The following PLCL1 variants were observed in gnomAD, a reference collection of about 807,000 sequenced individuals.
PLCL1 encodes the protein phospholipase C like 1 (inactive).
In PLCL1, 41 loss-of-function variants were observed where a neutral mutation model predicts 84.4. The observed-to-expected ratio is 0.49, with a 90% CI of 0.38 to 0.63. The LOEUF is 0.63. Among genes scored for constraint, PLCL1 ranks in the 30% least tolerant of loss-of-function variants. The pLI is 0.00. For missense variants in PLCL1, 1,206 were observed against 1,367.8 expected, an observed-to-expected ratio of 0.88 and a Z score of 1.87; for synonymous variants, 490 against 488.3, an observed-to-expected ratio of 1.00 and a Z score of -0.05.
intron 1 of PLCL1, among the ~76,000 whole-genome samples, chr2:197,973,230 T>C (rs1689905347): frequency 6.6e-6 from 1 of 152,174 alleles, no homozygotes; most frequent in Non-Finnish European, 1.5e-5. Flanking sequence ...AGGATACAAG[T>C]GCACTTTGCT....
Position 198,146,993 on chromosome 2 carries a change from T to G in PLCL1, c.*31T>G. On this transcript the variant is annotated 3_prime_UTR_variant, in exon 6 of 6. Coordinates refer to ENST00000428675, the MANE Select transcript of PLCL1 (RefSeq NM_006226.4). ...GGCATTATCGACACGTTCACCCATCTTATCAAGGACTCTGGTTTCTCATTC... is the reference window on the plus strand; with the variant it reads ...GGCATTATCGACACGTTCACCCATCGTATCAAGGACTCTGGTTTCTCATTC... The G allele has an allele frequency of 6.5e-7, 1 of 1,532,566 alleles. No homozygotes were observed. Among genetic ancestry groups the G allele is most frequent in the Non-Finnish European group, 8.8e-7 (1 of 1,133,172 alleles). The allele number at this position is 1,532,566 out of a possible 1,614,324, so 94.9% of individuals were successfully genotyped here.
chr2:197,826,185 A>G (rs1690924194), intron 1 of PLCL1, among the ~76,000 whole-genome samples: 1 of 152,202 alleles, frequency 6.6e-6, no homozygotes, highest in Non-Finnish European at 1.5e-5. Flanking sequence ...ATTTAGTCAG[A>G]CTACCCATCT....
At chr2:198,136,799 G>A (rs191535725) in intron 5 of PLCL1, among the ~76,000 whole-genome samples, 1 of 152,154 alleles carries the variant, frequency 6.6e-6, no homozygotes, top group East Asian at 1.9e-4. Flanking sequence ...GAGCCATCAG[G>A]GCTTATGACG....
At chr2:198,143,201 G>T (rs1219866271) in intron 5 of PLCL1, among the ~76,000 whole-genome samples, 1 of 152,056 alleles carries the variant, frequency 6.6e-6, no homozygotes, top group African/African-American at 2.4e-5. Flanking sequence ...GGATGAAACT[G>T]GATCAACCTC....
At chr2:197,925,897 T>C (rs1202598662) in intron 1 of PLCL1, among the ~76,000 whole-genome samples, 2 of 152,188 alleles carry the variant, frequency 1.3e-5, no homozygotes, top group African/African-American at 4.8e-5. Context: ...ATTTTGTCAC[T>C]CTATTTGTAG....
intron 1 of PLCL1, among the ~76,000 whole-genome samples, chr2:197,828,382 C>A (rs1383819596): frequency 3.9e-5 from 6 of 152,026 alleles, no homozygotes; most frequent in Non-Finnish European, 7.4e-5. Flanking sequence ...AAGCACAAAA[C>A]ATTTTATTTA....
intron 1 of PLCL1, among the ~76,000 whole-genome samples, chr2:198,061,669 G>A (rs754737715): frequency 1.3e-4 from 20 of 152,050 alleles, no homozygotes; most frequent in Non-Finnish European, 2.4e-4. Flanking sequence ...GCACCATCTC[G>A]GTTTACTGCA....
chr2:197,969,347 T>C (rs1484739344), intron 1 of PLCL1, among the ~76,000 whole-genome samples: 1 of 152,188 alleles, frequency 6.6e-6, no homozygotes, highest in Non-Finnish European at 1.5e-5. Flanking sequence ...TCCTCTATAA[T>C]AGAGTTGAGA....
chr2:198,094,187 C>T (rs1316624764), intron 3 of PLCL1, among the ~76,000 whole-genome samples: 1 of 151,978 alleles, frequency 6.6e-6, no homozygotes, highest in Non-Finnish European at 1.5e-5. Flanking sequence ...TCCGCCTCCC[C>T]AGTAGCTGGG....
chr2:197,851,540 T>C (rs141233569), intron 1 of PLCL1, among the ~76,000 whole-genome samples: 1 of 152,358 alleles, frequency 6.6e-6, no homozygotes, highest in East Asian at 1.9e-4. Flanking sequence ...GCATGCTGCC[T>C]GAGCCGCTAT....
chr2:198,079,799 G>T (rs1692664759), intron 1 of PLCL1, among the ~76,000 whole-genome samples: 1 of 152,132 alleles, frequency 6.6e-6, no homozygotes, highest in Non-Finnish European at 1.5e-5. Context: ...GGAGACTTAT[G>T]CATAGAATAT....
intron 3 of PLCL1, among the ~76,000 whole-genome samples, chr2:198,096,180 GGGAA>G (rs1460423042): frequency 3.3e-5 from 5 of 152,126 alleles, no homozygotes; most frequent in Non-Finnish European, 7.3e-5. Context: ...CACCTAAAAA[GGGAA>G]GTAGTCACAC....
chr2:197,812,297 C>T (rs1443600092), intron 1 of PLCL1, among the ~76,000 whole-genome samples: 2 of 152,124 alleles, frequency 1.3e-5, no homozygotes, highest in Non-Finnish European at 2.9e-5. Flanking sequence ...TGGTAGAGCG[C>T]TGTTGGATAT....
chr2:198,035,474 T>C (rs537550055), intron 1 of PLCL1, among the ~76,000 whole-genome samples: 2 of 152,324 alleles, frequency 1.3e-5, no homozygotes, highest in Admixed American at 1.3e-4. Flanking sequence ...TGTTGTTTTT[T>C]GTTTTTGTTT....
At chr2:197,901,053 T>C (rs550453841) in intron 1 of PLCL1, among the ~76,000 whole-genome samples, 1 of 152,330 alleles carries the variant, frequency 6.6e-6, no homozygotes, top group Non-Finnish European at 1.5e-5. Context: ...TGAGAAGTGA[T>C]GTCTTTTGGG....
At chr2:198,101,427 G>A in intron 4 of PLCL1, 67 bp downstream of exon 4, 1 of 865,558 alleles carries the variant, frequency 1.2e-6, no homozygotes, top group South Asian at 1.6e-5. Context: ...AATAATTCTT[G>A]GTAGATTTTT....
Position 197,830,818 on chromosome 2 carries a change from G to A in PLCL1, c.240+25479G>A, listed in dbSNP as rs542993263. 2.2e-3 allele frequency among the ~76,000 whole-genome samples: 338 copies of A among 152,288 alleles called. 1 individual carries two copies. The highest frequency in any genetic ancestry group is 3.6e-3 in the Non-Finnish European group (244 of 68,024). The stretch of plus-strand genomic sequence containing the variant: ...AGGGAAGCCCATCAGACTAACAGAG[G>A]ATCTCTCTGCAGAAACCATGCAAGC... On this transcript the variant is annotated intron_variant, in intron 1 of 5. Coordinates refer to ENST00000428675, the MANE Select transcript of PLCL1 (RefSeq NM_006226.4).
intron 1 of PLCL1, among the ~76,000 whole-genome samples, chr2:197,970,577 A>G (rs541247993): frequency 6.6e-6 from 1 of 152,382 alleles, no homozygotes; most frequent in Non-Finnish European, 1.5e-5. Flanking sequence ...TACATGTTGA[A>G]ATAATATTTT....
At chr2:198,097,959 A>T (rs1559104634) in intron 3 of PLCL1, among the ~76,000 whole-genome samples, 1 of 152,206 alleles carries the variant, frequency 6.6e-6, no homozygotes, top group African/African-American at 2.4e-5. Flanking sequence ...TTTCATTTTA[A>T]ATATTTAAGG....
Sources: gnomAD v4.1 joint callset for allele counts (sites outside exome capture counted in the v4.1 genomes callset) on GRCh38, gnomAD v4.1.1 for gene constraint, MANE v1.5 for transcripts, NCBI Gene and HGNC (gene_info 2026-07-23, HGNC 2026-07-21) for gene names.